Variants in RABGEF1 observed in about 807,000 individuals in gnomAD.
RABGEF1 encodes rab5 GDP/GTP exchange factor.
A neutral mutation model predicts 57.3 loss-of-function variants in RABGEF1; 26 were observed. The observed-to-expected ratio is 0.45, with a 90% CI of 0.33 to 0.63. The LOEUF is 0.63. Ranked by LOEUF, RABGEF1 falls within the 20% of genes least tolerant of loss-of-function variation. The pLI, the probability that RABGEF1 is intolerant of heterozygous loss-of-function variation, is 0.02. For synonymous variants in RABGEF1, 185 were observed against 210.7 expected, an observed-to-expected ratio of 0.88 and a Z score of 1.06; for missense variants, 464 against 607.6, an observed-to-expected ratio of 0.76 and a Z score of 2.48.
chr7:66,719,016 A>G (rs1426514793), intron 2 of RABGEF1, among the ~76,000 whole-genome samples: 1 of 152,260 alleles, frequency 6.6e-6, no homozygotes, highest in Non-Finnish European at 1.5e-5. Context: ...AGACAGCAAC[A>G]GGAATCCCTC....
At chr7:66,738,569 A>T (rs548059141), upstream of RABGEF1, among the ~76,000 whole-genome samples, 1 of 152,014 alleles carries the variant, frequency 6.6e-6, no homozygotes, top group South Asian at 2.1e-4. Flanking sequence ...GTCTCTACAA[A>T]AAAACCCCAA....
chr7:66,657,159 T>C, the RABGEF1 span, among the ~76,000 whole-genome samples: 2 of 152,208 alleles, frequency 1.3e-5, no homozygotes, highest in African/African-American at 4.8e-5. Flanking sequence ...AATGGTCATA[T>C]GCAGACACCA....
chr7:66,802,228 ACTACTAACACCTAGTG>A (rs1197770724), intron 7 of RABGEF1, among the ~76,000 whole-genome samples: 1 of 152,212 alleles, frequency 6.6e-6, no homozygotes, highest in African/African-American at 2.4e-5. Context: ...CTGTGGGAGT[ACTACTAACACCTAGTG>A]GGTAGAGGCC....
intron 1 of RABGEF1, among the ~76,000 whole-genome samples, chr7:66,754,005 A>ATT (rs759263334): frequency 2.4e-4 from 26 of 108,422 alleles, no homozygotes; most frequent in African/African-American, 7.3e-4. Flanking sequence ...GTACTAGGCC[A>ATT]TTTTTTTTTT....
chr7:66,734,717 G>A (rs866611887), intron 2 of RABGEF1, among the ~76,000 whole-genome samples: 1 of 151,490 alleles, frequency 6.6e-6, no homozygotes, highest in East Asian at 1.9e-4. Context: ...ACAGGTGTGA[G>A]CCACCGTGCC....
At chr7:66,709,534 A>ATTAC (rs1478043179) in intron 1 of RABGEF1, among the ~76,000 whole-genome samples, 1 of 152,086 alleles carries the variant, frequency 6.6e-6, no homozygotes, top group Non-Finnish European at 1.5e-5. Context: ...CACACCTGTA[A>ATTAC]TCCCAGCACT....
At chr7:66,797,054 C>A (rs1181714492) in intron 5 of RABGEF1, among the ~76,000 whole-genome samples, 1 of 151,918 alleles carries the variant, frequency 6.6e-6, no homozygotes, top group Non-Finnish European at 1.5e-5. Flanking sequence ...AAACCTAGTA[C>A]TTTGGGAGGC....
intron 1 of RABGEF1, among the ~76,000 whole-genome samples, chr7:66,711,593 CT>C (rs572855385): frequency 3.1e-4 from 45 of 145,102 alleles, no homozygotes; most frequent in South Asian, 2.2e-3. Flanking sequence ...CTATTCTTTT[CT>C]TTTTTTTTTT....
chr7:66,764,920 ATTGTT>A (rs1386127090), intron 1 of RABGEF1, among the ~76,000 whole-genome samples: 29 of 152,192 alleles, frequency 1.9e-4, no homozygotes, highest in South Asian at 1.2e-3. Context: ...CTTTTTCAGT[ATTGTT>A]TTGGCCATTC....
At chr7:66,730,827 G>A (rs1365916177) in intron 2 of RABGEF1, among the ~76,000 whole-genome samples, 1 of 152,128 alleles carries the variant, frequency 6.6e-6, no homozygotes, top group African/African-American at 2.4e-5. Flanking sequence ...AAAGTGCTGG[G>A]ATTACAGGTG....
At position 66,795,504 on chromosome 7, in the gene RABGEF1, G is replaced by A; in HGVS notation, c.514-7G>A. 6.2e-7 allele frequency: 1 copy of A among 1,602,100 alleles called. No individual in the cohort carries two copies. Among genetic ancestry groups the A allele is most frequent in the Non-Finnish European group, 8.6e-7 (1 of 1,169,120 alleles). ...CTACAAGCAGCCTCTTTGTCTCTCTGTTTCAGGATCTAAGCATTGAAGAAC... is the reference window on the plus strand; with the variant it reads ...CTACAAGCAGCCTCTTTGTCTCTCTATTTCAGGATCTAAGCATTGAAGAAC... On this transcript the variant is annotated splice_polypyrimidine_tract_variant and splice_region_variant and intron_variant, in intron 4 of 8. Coordinates refer to ENST00000284957, the MANE Select transcript of RABGEF1 (RefSeq NM_014504.3).
In RABGEF1 at chr7:66,805,438, A is replaced by G. The variant is rs554861092; in HGVS notation, c.1077+42A>G. 2.9e-5 allele frequency: 47 copies of G among 1,605,698 alleles called. No individual in the cohort carries two copies. In the Middle Eastern group the frequency reaches 5.9e-4, roughly 20 times the overall value. On this transcript the variant is annotated intron_variant, in intron 8 of 8. Transcript: ENST00000284957. ...TTGGTGTTGTGGAGAAGGACTAGGA[A>G]GGTGGTGGTTTTGGGGATGTGACAG...
At chr7:66,782,427 CT>C (rs1810145556) in intron 3 of RABGEF1, among the ~76,000 whole-genome samples, 1 of 150,054 alleles carries the variant, frequency 6.7e-6, no homozygotes, top group African/African-American at 2.4e-5. Context: ...CCACTACCCC[CT>C]ATTTTACATA....
At chr7:66,743,309 C>CA (rs1562768230) in intron 1 of RABGEF1, among the ~76,000 whole-genome samples, 2 of 133,478 alleles carry the variant, frequency 1.5e-5, no homozygotes, top group Admixed American at 7.7e-5. Flanking sequence ...GACCTCGTCT[C>CA]AAAAAAAAGA....
intron 3 of RABGEF1, among the ~76,000 whole-genome samples, chr7:66,780,291 A>G (rs1809588599): frequency 6.6e-6 from 1 of 152,242 alleles, no homozygotes; most frequent in Non-Finnish European, 1.5e-5. Context: ...TTAAGCGCAC[A>G]GACCTGGGTT....
intron 1 of RABGEF1, among the ~76,000 whole-genome samples, chr7:66,688,417 A>C (rs1791031456): frequency 6.6e-6 from 1 of 152,212 alleles, no homozygotes; most frequent in African/African-American, 2.4e-5. Context: ...AACTAGATCT[A>C]ATGGACATTT....
chr7:66,658,868 TG>T, the RABGEF1 span, among the ~76,000 whole-genome samples: 1 of 152,006 alleles, frequency 6.6e-6, no homozygotes, highest in Non-Finnish European at 1.5e-5. Context: ...CCCGAGTAGC[TG>T]GGACTACAGG....
chr7:66,681,297 A>T (rs10234018), upstream of RABGEF1, among the ~76,000 whole-genome samples: 76,029 of 151,976 alleles, frequency 0.5, 20,004 homozygotes, highest in African/African-American at 0.66. Context: ...CTTACATGGG[A>T]ATCACATAAA....
intron 1 of RABGEF1, among the ~76,000 whole-genome samples, chr7:66,692,535 G>T (rs956748532): frequency 6.6e-6 from 1 of 152,226 alleles, no homozygotes; most frequent in African/African-American, 2.4e-5. Context: ...TGTTCCTGCC[G>T]TCACCTCTCC....
Sources: gnomAD v4.1 joint callset for allele counts (sites outside exome capture counted in the v4.1 genomes callset) on GRCh38, gnomAD v4.1.1 for gene constraint, MANE v1.5 for transcripts, NCBI Gene and HGNC (gene_info 2026-07-23, HGNC 2026-07-21) for gene names.